The following KCNQ1 variants were observed in gnomAD, a reference collection of about 807,000 sequenced individuals.
KCNQ1 encodes potassium voltage-gated channel subfamily KQT member 1.
In KCNQ1, 49 loss-of-function variants were observed where a neutral mutation model predicts 72.4. The ratio of observed to expected loss-of-function variants is 0.68; its 90% CI spans 0.54 to 0.86. The LOEUF (loss-of-function observed/expected upper bound fraction) is 0.86, where lower values mean the gene tolerates loss of function less well. KCNQ1 is among the 40% of genes least tolerant of loss of function. The pLI, the probability that KCNQ1 is intolerant of heterozygous loss-of-function variation, is 0.00. For missense variants in KCNQ1, 790 were observed against 945.1 expected (o/e 0.84, Z 2.15); for synonymous variants, 450 against 412.6 (o/e 1.09, Z -1.10).
At chr11:2,666,860 G>A in intron 11 of KCNQ1, 1 of 398,634 alleles carries the variant, frequency 2.5e-6, no homozygotes, top group Non-Finnish European at 4.4e-6. Context: ...ATGAGTGAGG[G>A]GCTTGTCAAG....
intron 2 of KCNQ1, among the ~76,000 whole-genome samples, chr11:2,557,343 G>A (rs140864976): frequency 6.7e-4 from 102 of 152,312 alleles, no homozygotes; most frequent in Non-Finnish European, 6.2e-4. Flanking sequence ...ATATGATAAC[G>A]GGAGGAGATT....
In KCNQ1 at chr11:2,785,487, T is replaced by G. The variant is rs1310561578; in HGVS notation, c.1794+7450T>G. 3.3e-5 allele frequency among the ~76,000 whole-genome samples: 5 copies of G among 151,790 alleles called. No homozygotes were observed. Among genetic ancestry groups the G allele is most frequent in the Admixed American group, 3.3e-4 (5 of 15,270 alleles). ...ATATTCATAAAGGATACTGGTGTGG[T>G]TTTCTTTTCTGACTTTGATGTCAGA... On this transcript the variant is annotated intron_variant, in intron 15 of 15. Coordinates refer to ENST00000155840, the MANE Select transcript of KCNQ1 (RefSeq NM_000218.3). This position sits in a 1 kb window ranked among gnomAD's most constrained non-coding sequence, Gnocchi z 4.4.
At chr11:2,698,000 A>G (rs1276540548) in intron 11 of KCNQ1, 7 of 398,678 alleles carry the variant, frequency 1.8e-5, no homozygotes, top group East Asian at 3.6e-5. Flanking sequence ...CCTACTGAGT[A>G]TCTGGAAAAC....
chr11:2,611,299 A>G lies in KCNQ1; in HGVS notation c.1393+22445A>G. Reference sequence around the variant, plus strand: ...CAGTGGCGTGACCTTGGCTCACTGCAACCTCTGCCTCCCGGATTCAAGCCG... The same window carrying G: ...CAGTGGCGTGACCTTGGCTCACTGCGACCTCTGCCTCCCGGATTCAAGCCG... On this transcript the variant is annotated intron_variant, in intron 10 of 15. Coordinates refer to ENST00000155840, the MANE Select transcript of KCNQ1 (RefSeq NM_000218.3). This position sits in a 1 kb window ranked among gnomAD's most constrained non-coding sequence, Gnocchi z 5.3. 1 of 397,466 alleles carries G rather than the reference A, an allele frequency of 2.5e-6. No homozygotes were observed. The highest frequency in any genetic ancestry group is 4.4e-6 in the Non-Finnish European group (1 of 225,936). 24.6% of individuals were successfully genotyped at this position (397,466 alleles called of 1,614,324 possible). A position where few individuals can be genotyped will look rare whatever the true frequency, so the allele number is the denominator to read the frequency against.
At position 2,538,320 on chromosome 11, in the gene KCNQ1, T is replaced by C. The variant is rs1265019337; in HGVS notation, c.477+10302T>C. On this transcript the variant is annotated intron_variant, in intron 2 of 15. Transcript: ENST00000155840. This position sits in a 1 kb window ranked among gnomAD's most constrained non-coding sequence, Gnocchi z 6.7. ...CTTGGGCAGGGAAGGGCGGTGGACA[T>C]GGAGGCTTGGGGACAGTCCCCTGGC... Among the ~76,000 whole-genome samples, 3 of 152,062 alleles carry C rather than the reference T, an allele frequency of 2.0e-5. No homozygotes were observed. Among genetic ancestry groups the C allele is most frequent in the Admixed American group, 6.6e-5 (1 of 15,260 alleles).
chr11:2,754,039 G>A (rs1487508417), intron 11 of KCNQ1, among the ~76,000 whole-genome samples: 1 of 152,202 alleles, frequency 6.6e-6, no homozygotes, highest in African/African-American at 2.4e-5. Context: ...AGATACAAAT[G>A]GCAAATGATC....
At chr11:2,751,738 G>C (rs1188422493) in intron 11 of KCNQ1, among the ~76,000 whole-genome samples, 3 of 152,256 alleles carry the variant, frequency 2.0e-5, no homozygotes, top group Non-Finnish European at 4.4e-5. Flanking sequence ...TCCCTGCAAG[G>C]GCAGGCAGAT....
At chr11:2,680,158 C>T (rs904365313) in intron 11 of KCNQ1, 78 of 392,524 alleles carry the variant, frequency 2.0e-4, no homozygotes, top group Non-Finnish European at 3.4e-4. Flanking sequence ...TCCTAAAGTG[C>T]TGGGATTACG....
chr11:2,653,698 ACGAGGT>A lies in KCNQ1; in HGVS notation c.1394-8261_1394-8256del, dbSNP rs1197169538. ...TCAACAGCTCAGGAAGCCCAGCAGA[ACGAGGT>A]CATCTCTTCCAGGATTCCTGCCAGA... On this transcript the variant is annotated intron_variant, in intron 10 of 15. Transcript: ENST00000155840. The surrounding 1 kb of genome is among the most constrained non-coding windows in gnomAD (Gnocchi z 5.3). The A allele has an allele frequency of 7.5e-6, 3 of 398,602 alleles. No homozygotes were observed. Among genetic ancestry groups the A allele is most frequent in the Non-Finnish European group, 1.3e-5 (3 of 226,108 alleles). The allele number at this position is 398,602 out of a possible 1,614,324, so 24.7% of individuals were successfully genotyped here. A position where few individuals can be genotyped will look rare whatever the true frequency, so the allele number is the denominator to read the frequency against.
Position 2,653,206 on chromosome 11 carries a change from G to A in KCNQ1, c.1394-8755G>A, listed in dbSNP as rs231347. The A allele has an allele frequency of 0.12, 46,082 of 398,690 alleles. 2,794 individuals are homozygous for A. The highest frequency in any genetic ancestry group is 0.16 in the Middle Eastern group (256 of 1,592). The allele number at this position is 398,690 out of a possible 1,614,324, so 24.7% of individuals were successfully genotyped here. On this transcript the variant is annotated intron_variant, in intron 10 of 15. Transcript: ENST00000155840. This position sits in a 1 kb window ranked among gnomAD's most constrained non-coding sequence, Gnocchi z 5.3. ...AGTTCCCTGTGCTGTTGCAGGGCTAGGGCCAGGGCCTTGGCCTCAGGCCAG... is the reference window on the plus strand; with the variant it reads ...AGTTCCCTGTGCTGTTGCAGGGCTAAGGCCAGGGCCTTGGCCTCAGGCCAG...
intron 10 of KCNQ1, chr11:2,618,905 A>G: frequency 2.5e-6 from 1 of 398,310 alleles, no homozygotes; most frequent in Middle Eastern, 6.3e-4. Flanking sequence ...CTTTTTGGCT[A>G]AATTTATTCC....
At chr11:2,804,700 ACT>A (rs1847338496) in intron 15 of KCNQ1, among the ~76,000 whole-genome samples, 1 of 151,508 alleles carries the variant, frequency 6.6e-6, no homozygotes, top group Non-Finnish European at 1.5e-5. Context: ...CATTCTCCAC[ACT>A]CTCCTGGCCC....
intron 11 of KCNQ1, chr11:2,665,734 C>G: frequency 2.5e-6 from 1 of 398,558 alleles, no homozygotes; most frequent in Non-Finnish European, 4.4e-6. Context: ...CTCCCCAGAA[C>G]CCCCAAAGCC....
At chr11:2,632,542 T>A (rs1347693700) in intron 10 of KCNQ1, 1 of 398,254 alleles carries the variant, frequency 2.5e-6, no homozygotes, top group Non-Finnish European at 4.4e-6. Context: ...TTAGTCAACA[T>A]GTAATAATTG....
rs1016604325 is a variant in KCNQ1, at chr11:2,647,419, G to A, written c.1394-14542G>A. On this transcript the variant is annotated intron_variant, in intron 10 of 15. Transcript: ENST00000155840. The surrounding 1 kb of genome is among the most constrained non-coding windows in gnomAD (Gnocchi z 4.0). ...TGTGTGTTTTGTTTCTGAGGATTCT[G>A]CATCTATGTTCATCAGGGAGATTGG... 13 of 398,410 alleles carry A rather than the reference G, an allele frequency of 3.3e-5. No individual in the cohort carries two copies. Among genetic ancestry groups the A allele is most frequent in the African/African-American group, 2.5e-4 (12 of 48,632 alleles). The allele number at this position is 398,410 out of a possible 1,614,324, so 24.7% of individuals were successfully genotyped here.
chr11:2,790,278 C>T (rs1324764441), intron 15 of KCNQ1, among the ~76,000 whole-genome samples: 1 of 152,194 alleles, frequency 6.6e-6, no homozygotes, highest in African/African-American at 2.4e-5. Context: ...TCGGTGACAC[C>T]AGGAGCTGGC....
In KCNQ1 at chr11:2,813,355, C is replaced by A. The variant is rs182359310; in HGVS notation, c.1795-34412C>A. 8.5e-5 allele frequency among the ~76,000 whole-genome samples: 13 copies of A among 152,300 alleles called. No homozygotes were observed. The highest frequency in any genetic ancestry group is 7.2e-4 in the Admixed American group (11 of 15,310). Reference sequence around the variant, plus strand: ...CCTCATGCACCTCCATTCAGGGAACCTGGGCTCCCCACTCTCACAGGGGTG... The same window carrying A: ...CCTCATGCACCTCCATTCAGGGAACATGGGCTCCCCACTCTCACAGGGGTG... On this transcript the variant is annotated intron_variant, in intron 15 of 15. Coordinates refer to ENST00000155840, the MANE Select transcript of KCNQ1 (RefSeq NM_000218.3). This position sits in a 1 kb window ranked among gnomAD's most constrained non-coding sequence, Gnocchi z 4.4.
rs781151116 is a variant in KCNQ1, at chr11:2,588,781, C to G, written c.1320C>G (p.Val440=). The G allele has an allele frequency of 1.9e-6, 3 of 1,613,334 alleles. No homozygotes were observed. Among genetic ancestry groups the G allele is most frequent in the Non-Finnish European group, 2.5e-6 (3 of 1,179,936 alleles). ...GVTPGEKMLT[V]PHITCDPPEE... ...CTCCTGGAGAGAAGATGCTCACAGT[C>G]CCCCATATCACGTGCGACCCCCCAG... The change falls in exon 10 of 16, where the codon GTC becomes GTG. Residue 440 remains valine, a synonymous_variant. Transcript: ENST00000155840. This position sits in a 1 kb window ranked among gnomAD's most constrained non-coding sequence, Gnocchi z 5.6.
At chr11:2,829,719 G>A (rs1004691336) in intron 15 of KCNQ1, among the ~76,000 whole-genome samples, 2 of 152,120 alleles carry the variant, frequency 1.3e-5, no homozygotes, top group African/African-American at 4.8e-5. Flanking sequence ...GAACAGCAAT[G>A]TAAATGTGTA....
Sources: gnomAD v4.1 joint callset for allele counts (sites outside exome capture counted in the v4.1 genomes callset) on GRCh38, gnomAD v4.1.1 for gene constraint, Gnocchi (gnomAD v3.1) non-coding constraint, MANE v1.5 for transcripts, NCBI Gene and HGNC (gene_info 2026-07-23, HGNC 2026-07-21) for gene names.